The following CNOT2 variants were observed in gnomAD, a reference collection of about 807,000 sequenced individuals.
CNOT2 encodes the protein CCR4-NOT transcription complex subunit 2.
A neutral mutation model predicts 72.1 loss-of-function variants in CNOT2; 7 were observed. The observed-to-expected ratio is 0.10, with a 90% confidence interval of 0.06 to 0.18. The LOEUF (loss-of-function observed/expected upper bound fraction) is 0.18, where lower values mean the gene tolerates loss of function less well. Ranked by LOEUF, CNOT2 falls within the 10% of genes least tolerant of loss-of-function variation. The probability of loss-of-function intolerance (pLI) is 1.00; values close to 1 mark genes in which losing one functional copy is unlikely to be tolerated. For synonymous variants in CNOT2, 196 were observed against 225.6 expected, an observed-to-expected ratio of 0.87 and a Z score of 1.17; for missense variants, 345 against 660.3, an observed-to-expected ratio of 0.52 and a Z score of 5.23.
intron 2 of CNOT2, among the ~76,000 whole-genome samples, chr12:70,288,933 A>G (rs1871380568): frequency 6.6e-6 from 1 of 152,026 alleles, no homozygotes; most frequent in Non-Finnish European, 1.5e-5. Flanking sequence ...TCATAATGGA[A>G]TAGGTTTGTT....
At chr12:70,308,782 G>A (rs1875932757) in intron 2 of CNOT2, among the ~76,000 whole-genome samples, 1 of 151,986 alleles carries the variant, frequency 6.6e-6, no homozygotes, top group Non-Finnish European at 1.5e-5. Context: ...AGTCTATAAT[G>A]GTCTTGATGA....
At position 70,279,547 on chromosome 12, in the gene CNOT2, G is replaced by A. The variant is rs185057716; in HGVS notation, c.48+1273G>A. Among the ~76,000 whole-genome samples the A allele has an allele frequency of 4.2e-3, 636 of 152,252 alleles. 3 individuals are homozygous for A. Among genetic ancestry groups the A allele is most frequent in the Non-Finnish European group, 6.9e-3 (471 of 68,008 alleles). The stretch of plus-strand genomic sequence containing the variant: ...GCCTTTGCTAATGATCTGTACTCAG[G>A]TGTAGCTCCTGCTTCCCACCCACTT... On this transcript the variant is annotated intron_variant, in intron 2 of 15. Transcript: ENST00000229195.
At chr12:70,316,986 A>G (rs978964528) in intron 3 of CNOT2, among the ~76,000 whole-genome samples, 1 of 152,216 alleles carries the variant, frequency 6.6e-6, no homozygotes, top group Non-Finnish European at 1.5e-5. Context: ...TATTCACATT[A>G]TGGATTGTTC....
At chr12:70,343,425 G>A (rs1386349279) in intron 13 of CNOT2, among the ~76,000 whole-genome samples, 1 of 152,176 alleles carries the variant, frequency 6.6e-6, no homozygotes, top group African/African-American at 2.4e-5. Flanking sequence ...TTGGTAAGCA[G>A]TTATGTTTCT....
chr12:70,317,547 A>G lies in CNOT2; in HGVS notation c.172-1751A>G, dbSNP rs1292227206. On this transcript the variant is annotated intron_variant, in intron 3 of 15. Coordinates refer to ENST00000229195, the MANE Select transcript of CNOT2 (RefSeq NM_014515.7). ...TATAGTTTAATTGTATAGATAAAGG[A>G]TGTTAGTTTAATTATCTAGGTTGCA... 2.0e-5 allele frequency among the ~76,000 whole-genome samples: 3 copies of G among 150,620 alleles called. No homozygotes were observed. The East Asian group carries it at 5.9e-4, about 30-fold the overall frequency.
intron 1 of CNOT2, among the ~76,000 whole-genome samples, chr12:70,247,634 T>C (rs1320655747): frequency 6.6e-6 from 1 of 152,240 alleles, no homozygotes; most frequent in East Asian, 1.9e-4. Flanking sequence ...GTATTGCTTT[T>C]TACTCTTCAA....
chr12:70,311,411 G>C (rs184734418), intron 3 of CNOT2, among the ~76,000 whole-genome samples: 93 of 152,116 alleles, frequency 6.1e-4, no homozygotes, highest in African/African-American at 2.1e-3. Context: ...ATGGCAAGCT[G>C]TAATAAAACT....
intron 1 of CNOT2, among the ~76,000 whole-genome samples, chr12:70,256,005 C>G (rs1421861766): frequency 6.6e-6 from 1 of 152,112 alleles, no homozygotes; most frequent in Non-Finnish European, 1.5e-5. Flanking sequence ...GTTATGTTTG[C>G]TATTCTTAGA....
intron 2 of CNOT2, among the ~76,000 whole-genome samples, chr12:70,305,605 G>A (rs897208547): frequency 2.0e-5 from 3 of 152,180 alleles, no homozygotes; most frequent in Non-Finnish European, 2.9e-5. Context: ...GAGAGTTAAA[G>A]TGACATTTTT....
chr12:70,288,783 A>G (rs188299629), intron 2 of CNOT2, among the ~76,000 whole-genome samples: 1 of 152,276 alleles, frequency 6.6e-6, no homozygotes, highest in Admixed American at 6.5e-5. Context: ...AACAACATCT[A>G]TTTTAATTAT....
At chr12:70,332,876 A>G in intron 7 of CNOT2, 30 bp downstream of exon 7, 1 of 1,556,150 alleles carries the variant, frequency 6.4e-7, no homozygotes, top group Non-Finnish European at 8.6e-7. Context: ...AGTACCCTAC[A>G]AAAAGTATGA....
Position 70,303,801 on chromosome 12 carries a change from C to T in CNOT2, c.49-7094C>T, listed in dbSNP as rs1297496477. Reference sequence around the variant, plus strand: ...TGGGGAAGTTCTCCTGGATAATATCCTCCAGAGTGTTTTCCAACTTGGTTC... The same window carrying T: ...TGGGGAAGTTCTCCTGGATAATATCTTCCAGAGTGTTTTCCAACTTGGTTC... On this transcript the variant is annotated intron_variant, in intron 2 of 15. Coordinates refer to ENST00000229195, the MANE Select transcript of CNOT2 (RefSeq NM_014515.7). Among the ~76,000 whole-genome samples the T allele has an allele frequency of 2.6e-5, 4 of 152,294 alleles. 1 individual carries two copies. In the Middle Eastern group the frequency reaches 0.01, roughly 389 times the overall value.
chr12:70,253,604 G>A (rs1204016084), intron 1 of CNOT2, among the ~76,000 whole-genome samples: 2 of 152,160 alleles, frequency 1.3e-5, no homozygotes, highest in African/African-American at 4.8e-5. Flanking sequence ...CTTACTAGCT[G>A]TGTGCCTGGA....
chr12:70,276,062 T>TGA (rs1319527225), intron 1 of CNOT2, among the ~76,000 whole-genome samples: 2 of 152,160 alleles, frequency 1.3e-5, no homozygotes, highest in Non-Finnish European at 1.5e-5. Flanking sequence ...GGCCATGAAA[T>TGA]ATTTCCAGTT....
At chr12:70,295,280 T>C (rs1872630010) in intron 2 of CNOT2, among the ~76,000 whole-genome samples, 1 of 152,186 alleles carries the variant, frequency 6.6e-6, no homozygotes, top group African/African-American at 2.4e-5. Flanking sequence ...TAAAAGAGAT[T>C]GGGGTTCTAG....
At chr12:70,311,372 A>G (rs1422456777) in intron 3 of CNOT2, among the ~76,000 whole-genome samples, 1 of 152,140 alleles carries the variant, frequency 6.6e-6, no homozygotes. Flanking sequence ...ATAGAACAGA[A>G]AGCAGATTTA....
intron 13 of CNOT2, among the ~76,000 whole-genome samples, chr12:70,343,195 A>G (rs1881732297): frequency 1.3e-5 from 2 of 152,162 alleles, no homozygotes; most frequent in African/African-American, 4.8e-5. Flanking sequence ...TCTTATTACC[A>G]ATTTGAGAAA....
chr12:70,244,455 G>A (rs773312522), intron 1 of CNOT2: 5 of 152,230 alleles, frequency 3.3e-5, no homozygotes, highest in Non-Finnish European at 7.3e-5. Flanking sequence ...CTTAGCAAAA[G>A]AGAATTGGAG....
chr12:70,327,304 TA>T (rs1223383854), intron 4 of CNOT2, among the ~76,000 whole-genome samples: 1 of 151,730 alleles, frequency 6.6e-6, no homozygotes, highest in African/African-American at 2.4e-5. Flanking sequence ...CGTGGAGATT[TA>T]GAAAAAAGGT....
Sources: gnomAD v4.1 joint callset for allele counts (sites outside exome capture counted in the v4.1 genomes callset) on GRCh38, gnomAD v4.1.1 for gene constraint, MANE v1.5 for transcripts, NCBI Gene and HGNC (gene_info 2026-07-23, HGNC 2026-07-21) for gene names.